LIPG: variants seen among roughly 807,000 people sequenced by gnomAD.
LIPG encodes the protein endothelial lipase.
A neutral mutation model predicts 51.8 loss-of-function variants in LIPG; 34 were observed. That is an observed-to-expected ratio of 0.66 (90% CI 0.50 to 0.87). LIPG has a LOEUF of 0.87. Among genes scored for constraint, LIPG ranks in the 40% least tolerant of loss-of-function variants. The pLI is 0.00. For synonymous variants in LIPG, 246 were observed against 246.1 expected (o/e 1.00, Z 0.00); for missense variants, 580 against 652.7 (o/e 0.89, Z 1.21).
intron 8 of LIPG, 131 bp downstream of exon 8, chr18:49,583,905 C>A (rs2084854516): frequency 2.5e-6 from 2 of 792,362 alleles, no homozygotes; most frequent in Non-Finnish European, 4.0e-6. Context: ...ACTTCAAACA[C>A]CTTTGCAAGG....
At chr18:49,564,124 C>G (rs894072151) in intron 1 of LIPG, among the ~76,000 whole-genome samples, 61 of 152,152 alleles carry the variant, frequency 4.0e-4, no homozygotes, top group Non-Finnish European at 8.4e-4. Flanking sequence ...CATTCTTCCC[C>G]CTCTCTCCCT....
chr18:49,582,566 G>T, intron 7 of LIPG, 84 bp downstream of exon 7: 1 of 1,566,994 alleles, frequency 6.4e-7, no homozygotes. Flanking sequence ...GCGTGTGAAC[G>T]AGTACAGCAC....
chr18:49,566,752 T>G (rs1339139759), intron 2 of LIPG, among the ~76,000 whole-genome samples: 2 of 152,096 alleles, frequency 1.3e-5, no homozygotes, highest in African/African-American at 4.8e-5. Flanking sequence ...GAAGCAATTT[T>G]CCAGGGCAAC....
At chr18:49,565,724 A>G (rs2084598674) in intron 2 of LIPG, among the ~76,000 whole-genome samples, 1 of 152,182 alleles carries the variant, frequency 6.6e-6, no homozygotes, top group Non-Finnish European at 1.5e-5. Flanking sequence ...GGGCTTTCAG[A>G]AAGTGGCTCT....
Position 49,583,741 on chromosome 18 carries a change from G to A in LIPG, c.1343G>A (p.Arg448His), listed in dbSNP as rs747420198. The A allele has an allele frequency of 6.2e-6, 10 of 1,613,428 alleles. No homozygotes were observed. The highest frequency in any genetic ancestry group is 4.4e-5 in the South Asian group (4 of 91,000). ...CCCGGACGGGAGCTGAATATCAGGCGCATCCGGGTGAAGTCTGGGGAAACC... is the reference window on the plus strand; with the variant it reads ...CCCGGACGGGAGCTGAATATCAGGCACATCCGGGTGAAGTCTGGGGAAACC... Reference protein sequence around the residue: ...RNPGRELNIRRIRVKSGETQR... With the variant: ...RNPGRELNIRHIRVKSGETQR... The change falls in exon 8 of 10, where the codon CGC becomes CAC. Residue 448 changes from arginine to histidine, a missense_variant. Transcript: ENST00000261292.
In LIPG at chr18:49,589,365, A is replaced by C. The variant is rs551914099; in HGVS notation, c.1482-1136A>C. ...ACGATTGTAAATCTTTATGTATTTA[A>C]ATGTGTACATTTCAAAGTGTTTCCA... On this transcript the variant is annotated intron_variant, in intron 9 of 9. Transcript: ENST00000261292. The C allele has an allele frequency of 2.0e-5, 3 of 152,324 alleles. No homozygotes were observed. In the East Asian group the frequency reaches 5.8e-4, roughly 29 times the overall value. 9.4% of individuals were successfully genotyped at this position (152,324 alleles called of 1,614,324 possible).
upstream of LIPG, chr18:49,561,926 G>A: frequency 2.2e-6 from 3 of 1,336,414 alleles, no homozygotes; most frequent in Non-Finnish European, 2.9e-6. Flanking sequence ...ACTTTCTCCA[G>A]TCTCGGTTCC....
rs2084969616 is a variant in LIPG, at chr18:49,594,347, C to A, written c.*3825C>A. On this transcript the variant is annotated 3_prime_UTR_variant, in exon 10 of 10. Coordinates refer to ENST00000261292, the MANE Select transcript of LIPG (RefSeq NM_006033.4). ...ACAAGGTTTCACCATGTTGGCCAGGCTGGTCTTGAACTCCTGACCTCAAGT... is the reference window on the plus strand; with the variant it reads ...ACAAGGTTTCACCATGTTGGCCAGGATGGTCTTGAACTCCTGACCTCAAGT... 1 of 152,216 alleles carries A rather than the reference C, an allele frequency of 6.6e-6. No individual in the cohort carries two copies. The highest frequency in any genetic ancestry group is 2.4e-5 in the African/African-American group (1 of 41,446). 9.4% of individuals were successfully genotyped at this position (152,216 alleles called of 1,614,324 possible).
Position 49,592,496 on chromosome 18 carries a change from A to G in LIPG, c.*1974A>G, listed in dbSNP as rs1425952097. 6.6e-6 allele frequency: 1 copy of G among 152,260 alleles called. No homozygotes were observed. The highest frequency in any genetic ancestry group is 1.5e-5 in the Non-Finnish European group (1 of 68,078). 9.4% of individuals were successfully genotyped at this position (152,260 alleles called of 1,614,324 possible). On this transcript the variant is annotated 3_prime_UTR_variant, in exon 10 of 10. Coordinates refer to ENST00000261292, the MANE Select transcript of LIPG (RefSeq NM_006033.4). Reference sequence around the variant, plus strand: ...AGGGTAATTTTATACGATATTTTAAATAGTTGTGTACATGAAGCATGGTTT... The same window carrying G: ...AGGGTAATTTTATACGATATTTTAAGTAGTTGTGTACATGAAGCATGGTTT...
intron 7 of LIPG, 104 bp downstream of exon 7, chr18:49,582,586 T>C (rs918613694): frequency 1.2e-4 from 175 of 1,480,818 alleles, no homozygotes; most frequent in Non-Finnish European, 1.6e-4. Flanking sequence ...CGCAGGAGAG[T>C]GCAGTCCGAC....
intron 6 of LIPG, 89 bp from the exon 7 acceptor site, chr18:49,582,273 A>G: frequency 6.4e-7 from 1 of 1,558,702 alleles, no homozygotes; most frequent in Non-Finnish European, 8.8e-7. Flanking sequence ...CAGCCCTAAA[A>G]TCTCTGTGCT....
At position 49,571,702 on chromosome 18, in the gene LIPG, A is replaced by C. The variant is rs73960671; in HGVS notation, c.571+2154A>C. ...TGTGGACAAGGTGATCGCAACTGGTAAGAGGACAGATTGAGACTTGCATGG... is the reference window on the plus strand; with the variant it reads ...TGTGGACAAGGTGATCGCAACTGGTCAGAGGACAGATTGAGACTTGCATGG... On this transcript the variant is annotated intron_variant, in intron 4 of 9. Transcript: ENST00000261292. 6.3e-3 allele frequency among the ~76,000 whole-genome samples: 964 copies of C among 152,214 alleles called. 12 individuals are homozygous for C. The highest frequency in any genetic ancestry group is 0.022 in the African/African-American group (907 of 41,526).
rs958522323 is a variant in LIPG, at chr18:49,595,849, G to A, written c.*5327G>A. On this transcript the variant is annotated 3_prime_UTR_variant, in exon 10 of 10. Coordinates refer to ENST00000261292, the MANE Select transcript of LIPG (RefSeq NM_006033.4). ...TCTCAAAATAAAATAAAATAGAATA[G>A]AATAAAATAAAATCCTTTCCACATA... 2.6e-5 allele frequency: 4 copies of A among 151,876 alleles called. No individual in the cohort carries two copies. Among genetic ancestry groups the A allele is most frequent in the African/African-American group, 9.7e-5 (4 of 41,348 alleles). The allele number at this position is 151,876 out of a possible 1,614,324, so 9.4% of individuals were successfully genotyped here.
In LIPG at chr18:49,586,780, A is replaced by G. The variant is rs1222030171; in HGVS notation, c.1411A>G (p.Ser471Gly). The G allele has an allele frequency of 1.9e-6, 3 of 1,614,046 alleles. No homozygotes were observed. The highest frequency in any genetic ancestry group is 2.5e-6 in the Non-Finnish European group (3 of 1,180,004). ...TTGTACAGAAGACCCTGAGAACACC[A>G]GCATATCCCCAGGCCGGGAGCTCTG... The part of the protein sequence containing the change: ...TFCTEDPENT[S>G]ISPGRELWFR... Residue 471 changes from serine to glycine, a missense_variant, in exon 9 of 10, where the codon AGC becomes GGC. Transcript: ENST00000261292.
intron 9 of LIPG, among the ~76,000 whole-genome samples, chr18:49,587,151 G>A (rs1245204770): frequency 1.3e-5 from 2 of 151,258 alleles, no homozygotes; most frequent in African/African-American, 4.9e-5. Flanking sequence ...GTGTGTGCCT[G>A]TAATCCCAGC....
At position 49,596,092 on chromosome 18, in the gene LIPG, A is replaced by T. The variant is rs774833587; in HGVS notation, c.*5570A>T. 1 of 152,190 alleles carries T rather than the reference A, an allele frequency of 6.6e-6. No individual in the cohort carries two copies. The highest frequency in any genetic ancestry group is 2.4e-5 in the African/African-American group (1 of 41,446). 9.4% of individuals were successfully genotyped at this position (152,190 alleles called of 1,614,324 possible). On this transcript the variant is annotated 3_prime_UTR_variant, in exon 10 of 10. Coordinates refer to ENST00000261292, the MANE Select transcript of LIPG (RefSeq NM_006033.4). ...AGCAAACTCCTGTGACACACCATTT[A>T]ACTACATAACAAACCTGCATACGTA...
intron 5 of LIPG, among the ~76,000 whole-genome samples, chr18:49,575,977 T>C (rs905572297): frequency 6.6e-6 from 1 of 151,974 alleles, no homozygotes; most frequent in Non-Finnish European, 1.5e-5. Context: ...TAGCTGGGAC[T>C]ACAGGCACGT....
chr18:49,582,335 AG>A, intron 6 of LIPG, 26 bp from the exon 7 acceptor site: 3 of 1,614,092 alleles, frequency 1.9e-6, no homozygotes, highest in Non-Finnish European at 2.5e-6. Flanking sequence ...AAGGGTTACA[AG>A]CATCTTTGTT....
At chr18:49,563,167 C>T (rs1329570229) in intron 1 of LIPG, among the ~76,000 whole-genome samples, 1 of 152,144 alleles carries the variant, frequency 6.6e-6, no homozygotes, top group Non-Finnish European at 1.5e-5. Context: ...TGGGGAGCCT[C>T]TAAACTGAAC....
Sources: gnomAD v4.1 joint callset for allele counts (sites outside exome capture counted in the v4.1 genomes callset) on GRCh38, gnomAD v4.1.1 for gene constraint, MANE v1.5 for transcripts, NCBI Gene and HGNC (gene_info 2026-07-23, HGNC 2026-07-21) for gene names.